Variants in NPHP1 observed in about 807,000 individuals in gnomAD.
The protein encoded by NPHP1 is nephrocystin 1, also known as nephrocystin-1.
A neutral mutation model predicts 90.4 loss-of-function variants in NPHP1; 70 were observed. The ratio of observed to expected loss-of-function variants is 0.77; its 90% CI spans 0.64 to 0.95. NPHP1 has a LOEUF of 0.95. Ranked by LOEUF, NPHP1 falls within the 40% of genes least tolerant of loss-of-function variation. The probability of loss-of-function intolerance (pLI) is 0.00; values close to 1 mark genes in which losing one functional copy is unlikely to be tolerated. For missense variants in NPHP1, 764 were observed against 795.9 expected (o/e 0.96, Z 0.48); for synonymous variants, 256 against 271.7 (o/e 0.94, Z 0.57).
chr2:110,202,376 G>C (rs775598170), intron 1 of NPHP1: 11 of 445,738 alleles, frequency 2.5e-5, no homozygotes, highest in Non-Finnish European at 4.6e-5. Flanking sequence ...CACACACCTA[G>C]TGATAGAGCC....
intron 1 of NPHP1, chr2:110,202,345 C>T: frequency 2.5e-6 from 1 of 405,402 alleles, no homozygotes; most frequent in Non-Finnish European, 5.1e-6. Flanking sequence ...TGGCATCCAT[C>T]TGAGTGTTAT....
chr2:110,161,242 C>T (rs1682299861), intron 10 of NPHP1, among the ~76,000 whole-genome samples: 1 of 152,056 alleles, frequency 6.6e-6, no homozygotes, highest in African/African-American at 2.4e-5. Flanking sequence ...TTTCATATGC[C>T]AGGCATTATT....
intron 17 of NPHP1, among the ~76,000 whole-genome samples, chr2:110,130,108 G>A (rs1679677011): frequency 6.6e-6 from 1 of 152,134 alleles, no homozygotes; most frequent in South Asian, 2.1e-4. Flanking sequence ...AAGCCCTTCT[G>A]TAAGGGTCTC....
intron 5 of NPHP1, 48 bp from the exon 6 acceptor site, chr2:110,168,601 T>A: frequency 8.2e-7 from 1 of 1,224,330 alleles, no homozygotes; most frequent in Non-Finnish European, 1.2e-6. Flanking sequence ...TCAATAATCA[T>A]GAGTATATGT....
intron 19 of NPHP1, 64 bp from the exon 20 acceptor site, chr2:110,124,127 T>A: frequency 1.3e-6 from 2 of 1,594,174 alleles, no homozygotes; most frequent in Non-Finnish European, 1.7e-6. Context: ...CTGTGAACTC[T>A]ATTAACTAAA....
At position 110,201,426 on chromosome 2, in the gene NPHP1, A is replaced by G. The variant is rs772440299; in HGVS notation, c.138T>C (p.Tyr46=). ...ALEPNKRQHI[Y]QRCIQLKQAI... is the part of the protein sequence containing the mutation. ...TATAATTTAGCATACTTTACCTTTG[A>G]TAAATATGTTGTCTTTTATTGGGTT... Residue 46 remains tyrosine, a synonymous_variant, in exon 2 of 20, where the codon TAT becomes TAC. Coordinates refer to ENST00000445609, the MANE Select transcript of NPHP1 (RefSeq NM_001128178.3). 6.2e-7 allele frequency: 1 copy of G among 1,601,284 alleles called. No homozygotes were observed. The highest frequency in any genetic ancestry group is 1.1e-5 in the South Asian group (1 of 90,438).
chr2:110,204,926 G>A lies in NPHP1; in HGVS notation c.43C>T (p.Arg15Cys), dbSNP rs373915635. 7 of 1,613,902 alleles carry A rather than the reference G, an allele frequency of 4.3e-6. No homozygotes were observed. In the African/African-American group the frequency reaches 6.7e-5, roughly 15 times the overall value. Residue 15 changes from arginine (R) to cysteine (C), a missense_variant, in exon 1 of 20, where the codon CGC (arginine) becomes TGC (cysteine). Coordinates refer to ENST00000445609, the MANE Select transcript of NPHP1 (RefSeq NM_001128178.3). ...RQRDPLQALR[R>C]RNQELKQQVD... ...TGTTGCTTCAGCTCCTGATTGCGGCGCCGCAGGGCCTGGAGAGGATCTCGC... is the reference window on the plus strand; with the variant it reads ...TGTTGCTTCAGCTCCTGATTGCGGCACCGCAGGGCCTGGAGAGGATCTCGC...
At chr2:110,124,425 G>A (rs756032232) in intron 19 of NPHP1, 36 of 326,898 alleles carry the variant, frequency 1.1e-4, no homozygotes, top group Non-Finnish European at 1.9e-4. Flanking sequence ...CAAGTCAGCT[G>A]AACCTACTTA....
intron 1 of NPHP1, among the ~76,000 whole-genome samples, chr2:110,204,043 A>G (rs1178228429): frequency 6.6e-6 from 1 of 152,110 alleles, no homozygotes; most frequent in African/African-American, 2.4e-5. Flanking sequence ...TGTTCTGTGT[A>G]TATTATATAA....
At chr2:110,184,076 C>A in intron 2 of NPHP1, 1 of 526,144 alleles carries the variant, frequency 1.9e-6, no homozygotes, top group Non-Finnish European at 3.8e-6. Flanking sequence ...ACGATACAAT[C>A]ACCAACCAGC....
chr2:110,153,910 G>A (rs1225892156), intron 11 of NPHP1, among the ~76,000 whole-genome samples: 3 of 151,820 alleles, frequency 2.0e-5, no homozygotes, highest in Admixed American at 1.3e-4. Flanking sequence ...TTAAACACAG[G>A]AGGCAGAGGT....
intron 2 of NPHP1, among the ~76,000 whole-genome samples, chr2:110,181,990 C>T (rs1270063447): frequency 6.6e-6 from 1 of 152,062 alleles, no homozygotes; most frequent in African/African-American, 2.4e-5. Flanking sequence ...ATAATGCAAT[C>T]ACAAGTATCA....
At chr2:110,185,046 C>T in intron 2 of NPHP1, 2 of 600,050 alleles carry the variant, frequency 3.3e-6, no homozygotes, top group Non-Finnish European at 6.5e-6. Context: ...AGGATATTTG[C>T]ACCTCAGGAG....
In NPHP1 at chr2:110,144,581, T is replaced by A; in HGVS notation, c.1353-12A>T. The stretch of plus-strand genomic sequence containing the variant: ...AAAGCTCATAAGTTCTATAAAAGAA[T>A]AACATACAATGACAGATATAAGCTG... On this transcript the variant is annotated splice_polypyrimidine_tract_variant and intron_variant, in intron 14 of 19. Transcript: ENST00000445609. 2.0e-6 allele frequency: 3 copies of A among 1,486,002 alleles called. No individual in the cohort carries two copies. Among genetic ancestry groups the A allele is most frequent in the Non-Finnish European group, 2.8e-6 (3 of 1,063,594 alleles). 92.1% of individuals were successfully genotyped at this position (1,486,002 alleles called of 1,614,324 possible).
chr2:110,158,330 T>C (rs996148959), intron 11 of NPHP1, among the ~76,000 whole-genome samples: 2 of 152,122 alleles, frequency 1.3e-5, no homozygotes, highest in African/African-American at 4.8e-5. Flanking sequence ...TGATATGTTA[T>C]ACAGTTCTCT....
chr2:110,150,713 C>G (rs894464633), intron 11 of NPHP1, among the ~76,000 whole-genome samples: 2 of 151,766 alleles, frequency 1.3e-5, no homozygotes, highest in Non-Finnish European at 2.9e-5. Flanking sequence ...CCACGCCCAG[C>G]TAATTTTTGT....
chr2:110,183,403 G>C (rs1012666854), intron 2 of NPHP1, among the ~76,000 whole-genome samples: 3 of 152,124 alleles, frequency 2.0e-5, no homozygotes, highest in African/African-American at 4.8e-5. Flanking sequence ...CTTTATTTCG[G>C]CCCATCCCTT....
rs79398758 is a variant in NPHP1, at chr2:110,180,056, A to T, written c.144-372T>A. ...ACCTAAAGTTTACTGTGTGCCAACCATGTTAAGCAGTTTACAAACATTACC... is the reference window on the plus strand; with the variant it reads ...ACCTAAAGTTTACTGTGTGCCAACCTTGTTAAGCAGTTTACAAACATTACC... On this transcript the variant is annotated intron_variant, in intron 2 of 19. Transcript: ENST00000445609. 7.5e-4 allele frequency among the ~76,000 whole-genome samples: 114 copies of T among 152,308 alleles called. 2 individuals carry two copies. In the East Asian group the frequency reaches 8.3e-3, roughly 11 times the overall value.
In NPHP1 at chr2:110,204,881, CT is replaced by C. The variant is rs1165664417; in HGVS notation, c.69+18del. On this transcript the variant is annotated intron_variant, in intron 1 of 19. Coordinates refer to ENST00000445609, the MANE Select transcript of NPHP1 (RefSeq NM_001128178.3). ...CGCCTGTCGCCCGCCCCAGGGCCCT[CT>C]GCACAGCCTGACCATACCTGTTGCT... 1 of 1,613,414 alleles carries C rather than the reference CT, an allele frequency of 6.2e-7. No homozygotes were observed. The highest frequency in any genetic ancestry group is 1.7e-5 in the Admixed American group (1 of 60,028).
Sources: gnomAD v4.1 joint callset for allele counts (sites outside exome capture counted in the v4.1 genomes callset) on GRCh38, gnomAD v4.1.1 for gene constraint, MANE v1.5 for transcripts, NCBI Gene and HGNC (gene_info 2026-07-23, HGNC 2026-07-21) for gene names.